AKAP12: variants seen among roughly 807,000 people sequenced by gnomAD.
AKAP12 encodes the protein A-kinase anchoring protein 12.
AKAP12 carries 32 observed loss-of-function variants against 79.9 expected under a neutral mutation model. The observed-to-expected ratio is 0.40, with a 90% confidence interval of 0.30 to 0.54. The LOEUF (loss-of-function observed/expected upper bound fraction) is 0.54. Among genes scored for constraint, AKAP12 ranks in the 20% least tolerant of loss-of-function variants. AKAP12 has a pLI of 0.48. For synonymous variants in AKAP12, 808 were observed against 857.0 expected (o/e 0.94, Z 1.00); for missense variants, 2,074 against 2,177.0 (o/e 0.95, Z 0.94).
At chr6:151,300,539 T>C (rs1439892231) in intron 2 of AKAP12, among the ~76,000 whole-genome samples, 1 of 152,188 alleles carries the variant, frequency 6.6e-6, no homozygotes, top group African/African-American at 2.4e-5. Context: ...CTGGTACTCC[T>C]GTTTCTTACT....
At chr6:151,321,903 GTTTTTTTTTTTTTT>G (rs11415941) in intron 3 of AKAP12, among the ~76,000 whole-genome samples, 1 of 67,328 alleles carries the variant, frequency 1.5e-5, no homozygotes, top group East Asian at 4.4e-4. Context: ...TCAGCTTTAT[GTTTTTTTTTTTTTT>G]TTTTTTTTTT....
At chr6:151,346,731 C>T (rs560319757) in intron 3 of AKAP12, among the ~76,000 whole-genome samples, 2 of 152,154 alleles carry the variant, frequency 1.3e-5, no homozygotes, top group Non-Finnish European at 2.9e-5. Flanking sequence ...TCTGAATGTA[C>T]GTTTCCTGAC....
At chr6:151,282,210 C>T (rs1440370061) in intron 2 of AKAP12, among the ~76,000 whole-genome samples, 1 of 151,796 alleles carries the variant, frequency 6.6e-6, no homozygotes, top group East Asian at 2.0e-4. Context: ...TGCAGTGAGC[C>T]GAGTAGTAGC....
At chr6:151,243,749 C>G (rs1797019773) in intron 2 of AKAP12, among the ~76,000 whole-genome samples, 2 of 152,154 alleles carry the variant, frequency 1.3e-5, no homozygotes, top group South Asian at 4.1e-4. Flanking sequence ...AATTTTGAGA[C>G]ATGGCCGTTT....
At chr6:151,354,022 G>A (rs1285404822) in intron 4 of AKAP12, among the ~76,000 whole-genome samples, 1 of 152,132 alleles carries the variant, frequency 6.6e-6, no homozygotes, top group African/African-American at 2.4e-5. Context: ...CGGCATGTGT[G>A]TGTGCACATG....
At chr6:151,251,351 T>C (rs559585166) in intron 2 of AKAP12, among the ~76,000 whole-genome samples, 42 of 152,124 alleles carry the variant, frequency 2.8e-4, no homozygotes, top group Non-Finnish European at 5.9e-4. Flanking sequence ...AAGGCAGAGA[T>C]AACATCCGCA....
At position 151,351,843 on chromosome 6, in the gene AKAP12, A is replaced by G. The variant is rs1338553471; in HGVS notation, c.3452A>G (p.Glu1151Gly). The part of the protein sequence containing the change: ...AETLAGVKSQ[E>G]MVMEQAIPPD... ...ACCTTAGCTGGGGTAAAATCACAGG[A>G]GATGGTGATGGAACAGGCTATCCCC... Residue 1151 changes from glutamate to glycine, a missense_variant, in exon 4 of 5, where the codon GAG becomes GGG. This residue lies in a region of AKAP12 where 1,428 missense variants were observed against 1,451.0 expected (regional missense o/e 0.98). Transcript: ENST00000402676. The surrounding 1 kb of genome is among the most constrained non-coding windows in gnomAD (Gnocchi z 4.4). 6.2e-7 allele frequency: 1 copy of G among 1,614,048 alleles called. No individual in the cohort carries two copies. Among genetic ancestry groups the G allele is most frequent in the Middle Eastern group, 1.7e-4 (1 of 6,060 alleles).
chr6:151,245,542 G>C (rs77386734), intron 2 of AKAP12, among the ~76,000 whole-genome samples: 1 of 151,302 alleles, frequency 6.6e-6, no homozygotes, highest in Admixed American at 6.6e-5. Flanking sequence ...TGATCCACCC[G>C]GCTAAGGCAG....
At chr6:151,328,385 T>G (rs1777586956) in intron 3 of AKAP12, among the ~76,000 whole-genome samples, 1 of 150,218 alleles carries the variant, frequency 6.7e-6, no homozygotes, top group Non-Finnish European at 1.5e-5. Flanking sequence ...ACGCCTGTGA[T>G]TCCAGCACTT....
chr6:151,288,211 T>TAA (rs201329538), intron 2 of AKAP12, among the ~76,000 whole-genome samples: 18 of 125,560 alleles, frequency 1.4e-4, no homozygotes, highest in African/African-American at 4.4e-4. Flanking sequence ...CTTAAAGTAT[T>TAA]TAAAAAAAAA....
intron 2 of AKAP12, among the ~76,000 whole-genome samples, chr6:151,246,719 CTG>C (rs1387164615): frequency 2.0e-5 from 3 of 152,182 alleles, no homozygotes; most frequent in Non-Finnish European, 4.4e-5. Flanking sequence ...GTTTGTTTCA[CTG>C]TTAATTAATT....
chr6:151,312,346 G>A (rs372234855), intron 3 of AKAP12, among the ~76,000 whole-genome samples: 36 of 151,966 alleles, frequency 2.4e-4, no homozygotes, highest in Middle Eastern at 3.4e-3. Flanking sequence ...GGTGGTGCAC[G>A]CCTGTATTCC....
intron 2 of AKAP12, among the ~76,000 whole-genome samples, chr6:151,294,238 C>T (rs896389558): frequency 1.3e-5 from 2 of 152,170 alleles, no homozygotes; most frequent in Non-Finnish European, 2.9e-5. Context: ...TCCCAAAGTG[C>T]TGGGATTACA....
chr6:151,274,158 G>A (rs1200994100), intron 2 of AKAP12, among the ~76,000 whole-genome samples: 1 of 151,264 alleles, frequency 6.6e-6, no homozygotes, highest in African/African-American at 2.4e-5. Flanking sequence ...TGCAACCTCT[G>A]CCTCTTGGGC....
chr6:151,335,021 T>C (rs184655069), intron 3 of AKAP12, among the ~76,000 whole-genome samples: 1 of 152,296 alleles, frequency 6.6e-6, no homozygotes, highest in East Asian at 1.9e-4. Flanking sequence ...ACTGCCCTCT[T>C]CTGTCCAAAA....
At chr6:151,252,471 C>T (rs1277483836) in intron 2 of AKAP12, among the ~76,000 whole-genome samples, 1 of 151,884 alleles carries the variant, frequency 6.6e-6, no homozygotes, top group East Asian at 1.9e-4. Context: ...GCTGGGATTA[C>T]AGGCATGAGC....
chr6:151,323,816 G>A, intron 3 of AKAP12: 1 of 985,442 alleles, frequency 1.0e-6, no homozygotes, highest in Non-Finnish European at 1.2e-6. Context: ...TGCAAGGGCA[G>A]ACTCGATTTC....
intron 2 of AKAP12, among the ~76,000 whole-genome samples, chr6:151,280,306 G>A (rs137983394): frequency 6.6e-5 from 10 of 151,914 alleles, no homozygotes; most frequent in African/African-American, 1.9e-4. Context: ...TATATAAAAT[G>A]AAAATTATGT....
intron 3 of AKAP12, among the ~76,000 whole-genome samples, chr6:151,340,544 T>A (rs1441214313): frequency 6.6e-6 from 1 of 151,964 alleles, no homozygotes; most frequent in East Asian, 1.9e-4. Flanking sequence ...AAGTCCCAGT[T>A]GGAGGGAGCA....
Sources: gnomAD v4.1 joint callset for allele counts (sites outside exome capture counted in the v4.1 genomes callset) on GRCh38, gnomAD v4.1.1 for gene constraint, gnomAD v4.1.1 regional missense constraint, Gnocchi (gnomAD v3.1) non-coding constraint, MANE v1.5 for transcripts, NCBI Gene and HGNC (gene_info 2026-07-23, HGNC 2026-07-21) for gene names.